ERC1: variants seen among roughly 807,000 people sequenced by gnomAD.
ERC1 encodes the protein ELKS/RAB6-interacting/CAST family member 1.
In ERC1, 56 loss-of-function variants were observed where a neutral mutation model predicts 132.0. The observed-to-expected ratio is 0.42, with a 90% confidence interval of 0.34 to 0.53. ERC1 has a LOEUF of 0.53. Among genes scored for constraint, ERC1 ranks in the 20% least tolerant of loss-of-function variants. The pLI, the probability that ERC1 is intolerant of heterozygous loss-of-function variation, is 0.03. For synonymous variants in ERC1, 478 were observed against 476.1 expected (o/e 1.00, Z -0.05); for missense variants, 1,202 against 1,349.9 (o/e 0.89, Z 1.72).
In ERC1 at chr12:1,141,725, A is replaced by C; in HGVS notation, c.1675A>C (p.Ile559Leu). The C allele has an allele frequency of 6.2e-7, 1 of 1,613,290 alleles. No homozygotes were observed. Among genetic ancestry groups the C allele is most frequent in the Non-Finnish European group, 8.5e-7 (1 of 1,179,500 alleles). Residue 559 changes from isoleucine (I) to leucine (L), a missense_variant, in exon 8 of 19, where the codon ATA becomes CTA. Physicochemically the swap from Ile to Leu is conservative, Grantham distance 5 (BLOSUM62 2). Transcript: ENST00000360905. The part of the protein sequence containing the change: ...AEEKGTQAGE[I>L]HDLKDMLDVK... ...AGAGAAGGGGACACAAGCTGGAGAG[A>C]TACATGACCTCAAGGACATGTTGGA...
At chr12:1,181,806 C>A (rs1594027983) in intron 9 of ERC1, 119 bp from the exon 10 acceptor site, 36 of 1,008,546 alleles carry the variant, frequency 3.6e-5, no homozygotes, top group Non-Finnish European at 4.4e-5. Context: ...AAAGTGGATT[C>A]TTTAAAAACT....
intron 15 of ERC1, among the ~76,000 whole-genome samples, chr12:1,361,035 C>T (rs1321266522): frequency 2.1e-5 from 3 of 146,246 alleles, no homozygotes; most frequent in Non-Finnish European, 4.5e-5. Context: ...ATCTAGGCTG[C>T]AGTTGTTGGC....
At chr12:1,209,867 T>C (rs1957702128) in intron 12 of ERC1, among the ~76,000 whole-genome samples, 1 of 152,254 alleles carries the variant, frequency 6.6e-6, no homozygotes, top group African/African-American at 2.4e-5. Context: ...TTGATTTATT[T>C]ATACTAGCTC....
intron 12 of ERC1, among the ~76,000 whole-genome samples, chr12:1,205,394 T>C (rs1162324614): frequency 6.9e-6 from 1 of 145,502 alleles, no homozygotes; most frequent in Non-Finnish European, 1.5e-5. Context: ...TATATATATA[T>C]ATCTGTGTGT....
chr12:1,376,457 C>T (rs2087927697), intron 16 of ERC1, among the ~76,000 whole-genome samples: 1 of 152,168 alleles, frequency 6.6e-6, no homozygotes. Flanking sequence ...TTTCAGAATT[C>T]TGTGAAAATA....
intron 14 of ERC1, among the ~76,000 whole-genome samples, chr12:1,280,523 A>G (rs2078607432): frequency 6.6e-6 from 1 of 152,248 alleles, no homozygotes; most frequent in Admixed American, 6.5e-5. Flanking sequence ...GTGTACTAAC[A>G]GTGATTTGGC....
chr12:1,041,239 G>A (rs1162041102), intron 2 of ERC1, among the ~76,000 whole-genome samples: 2 of 145,766 alleles, frequency 1.4e-5, no homozygotes, highest in Admixed American at 6.9e-5. Flanking sequence ...CAGAGCCTTT[G>A]CACTGTTTCC....
chr12:1,074,098 G>C (rs1323815269), intron 2 of ERC1, among the ~76,000 whole-genome samples: 1 of 151,860 alleles, frequency 6.6e-6, no homozygotes, highest in East Asian at 1.9e-4. Flanking sequence ...TCTTGACCTC[G>C]TGATCTGCCC....
chr12:1,444,544 T>G lies in ERC1; in HGVS notation c.3025-18T>G. On this transcript the variant is annotated intron_variant, in intron 17 of 18. Coordinates refer to ENST00000360905, the MANE Select transcript of ERC1 (RefSeq NM_178040.4). ...CTTTCCTCATTTTATTTTATTTTAT[T>G]TTATTTTTTTGCCTTAGATCATCCA... The G allele has an allele frequency of 6.5e-7, 1 of 1,539,300 alleles. No individual in the cohort carries two copies. The highest frequency in any genetic ancestry group is 8.8e-7 in the Non-Finnish European group (1 of 1,130,292).
At chr12:1,029,744 CT>C (rs747890124) in intron 2 of ERC1, among the ~76,000 whole-genome samples, 9,567 of 114,076 alleles carry the variant, frequency 0.084, 238 homozygotes, top group African/African-American at 0.17. Context: ...GTTAAACATA[CT>C]TTTTTTTTTT....
At chr12:1,133,599 A>C (rs1216348230) in intron 7 of ERC1, among the ~76,000 whole-genome samples, 2 of 152,122 alleles carry the variant, frequency 1.3e-5, no homozygotes, top group Non-Finnish European at 2.9e-5. Context: ...CTTTTAACTG[A>C]ATCAATATTC....
chr12:1,049,057 C>T (rs1208100891), intron 2 of ERC1, among the ~76,000 whole-genome samples: 2 of 152,174 alleles, frequency 1.3e-5, no homozygotes, highest in African/African-American at 4.8e-5. Context: ...TTTCATAAAG[C>T]TACTGTGCAT....
chr12:1,180,253 ATGTG>A (rs3216970), intron 8 of ERC1, among the ~76,000 whole-genome samples: 9,396 of 146,628 alleles, frequency 0.064, 350 homozygotes, highest in Middle Eastern at 0.11. Flanking sequence ...TTTGTTAGGG[ATGTG>A]TGTGTGTGTG....
chr12:1,030,096 T>C (rs1056153617), intron 2 of ERC1, among the ~76,000 whole-genome samples: 2 of 152,164 alleles, frequency 1.3e-5, no homozygotes, highest in African/African-American at 2.4e-5. Flanking sequence ...TCACATTTTT[T>C]TCCCCCATGG....
chr12:1,424,552 G>C (rs1357062818), intron 17 of ERC1, among the ~76,000 whole-genome samples: 1 of 152,164 alleles, frequency 6.6e-6, no homozygotes, highest in African/African-American at 2.4e-5. Context: ...AAAAAGAGTA[G>C]TTTTTCTTAA....
chr12:1,139,349 T>G (rs1359615240), intron 7 of ERC1, among the ~76,000 whole-genome samples: 1 of 152,216 alleles, frequency 6.6e-6, no homozygotes, highest in Admixed American at 6.5e-5. Context: ...TCAGTGCTTG[T>G]GTTCACATAA....
chr12:1,256,797 G>A lies in ERC1; in HGVS notation c.2488-6237G>A, dbSNP rs1249586655. Among the ~76,000 whole-genome samples the A allele has an allele frequency of 1.3e-5, 2 of 150,532 alleles. 1 individual carries two copies. Among genetic ancestry groups the A allele is most frequent in the African/African-American group, 4.9e-5 (2 of 40,576 alleles). On this transcript the variant is annotated intron_variant, in intron 13 of 18. Transcript: ENST00000360905. ...CTGCCTTTATATTTTAGGTATGTTTGGGTTCCATTTTAATATAGTCTCATA... is the reference window on the plus strand; with the variant it reads ...CTGCCTTTATATTTTAGGTATGTTTAGGTTCCATTTTAATATAGTCTCATA...
intron 18 of ERC1, among the ~76,000 whole-genome samples, chr12:1,485,456 G>A (rs1289310328): frequency 6.6e-6 from 1 of 151,986 alleles, no homozygotes; most frequent in African/African-American, 2.4e-5. Flanking sequence ...GCCCACCTTG[G>A]CCTCCTAAAG....
At chr12:1,447,554 A>G (rs534284621) in intron 18 of ERC1, among the ~76,000 whole-genome samples, 287 of 152,062 alleles carry the variant, frequency 1.9e-3, no homozygotes, top group African/African-American at 6.3e-3. Flanking sequence ...CAAAAAAAAA[A>G]AAACCCAGTG....
Sources: allele counts gnomAD v4.1 joint callset (sites outside exome capture counted in the v4.1 genomes callset), GRCh38; gene constraint gnomAD v4.1.1; transcripts MANE v1.5; gene names NCBI Gene and HGNC (gene_info 2026-07-23, HGNC 2026-07-21).